P2RX7: variants seen among roughly 807,000 people sequenced by gnomAD.
P2RX7 encodes P2X purinoceptor 7.
Under a neutral mutation model 71.6 loss-of-function variants are expected in P2RX7, and 62 were observed. That is an observed-to-expected ratio of 0.87 (90% confidence interval 0.71 to 1.07). P2RX7 has a LOEUF of 1.07. P2RX7 is among the 50% of genes least tolerant of loss of function. P2RX7 has a pLI of 0.00. For synonymous variants in P2RX7, 299 were observed against 283.3 expected (o/e 1.06, Z -0.56); for missense variants, 686 against 748.5 (o/e 0.92, Z 0.97).
chr12:121,151,639 C>T (rs370576847), intron 1 of P2RX7, among the ~76,000 whole-genome samples: 163 of 152,196 alleles, frequency 1.1e-3, no homozygotes, highest in African/African-American at 3.7e-3. Flanking sequence ...ATTCACATAA[C>T]GTAAAATTAA....
intron 12 of P2RX7, among the ~76,000 whole-genome samples, chr12:121,183,155 C>G (rs965562414): frequency 6.9e-6 from 1 of 145,498 alleles, no homozygotes; most frequent in Admixed American, 6.9e-5. Context: ...CCAGCCTGGG[C>G]GACAGAGCAA....
chr12:121,155,495 A>C, intron 2 of P2RX7: 1 of 930,306 alleles, frequency 1.1e-6, no homozygotes, highest in Non-Finnish European at 1.5e-6. Context: ...ATTGCCAAAA[A>C]AGAGAAATTA....
chr12:121,167,390 TA>T, intron 7 of P2RX7, 97 bp from the exon 8 acceptor site: 1 of 1,451,886 alleles, frequency 6.9e-7, no homozygotes, highest in Non-Finnish European at 9.5e-7. Flanking sequence ...ATTTTTCCTC[TA>T]AAAACCTTAA....
intron 1 of P2RX7, among the ~76,000 whole-genome samples, chr12:121,147,105 T>C (rs1272794078): frequency 6.6e-6 from 1 of 152,214 alleles, no homozygotes; most frequent in Non-Finnish European, 1.5e-5. Context: ...GGGTTTTTTT[T>C]ACACCAGCAA....
chr12:121,182,273 T>C (rs1447950500), intron 12 of P2RX7, among the ~76,000 whole-genome samples: 1 of 152,202 alleles, frequency 6.6e-6, no homozygotes, highest in African/African-American at 2.4e-5. Context: ...CATCTCTTCT[T>C]GAGAAAGACT....
Position 121,177,422 on chromosome 12 carries a change from C to A in P2RX7, c.1164C>A (p.Cys388Ter), listed in dbSNP as rs1344890173. The change falls in exon 11 of 13, where the codon TGC (cysteine) becomes TGA (stop). Residue 388 changes from cysteine (C) to a stop codon, truncating the protein, a stop_gained. Coordinates refer to ENST00000328963, the MANE Select transcript of P2RX7 (RefSeq NM_002562.6). LOFTEE classifies it high-confidence loss of function. Reference protein sequence around the residue: ...VVNEYYYRKKCESIVEPKPTL... With the variant: ...VVNEYYYRKK ...ACGAATACTACTACAGGAAGAAGTGCGAGTCCATTGTGGAGCCAAAGCCGG... is the reference window on the plus strand; with the variant it reads ...ACGAATACTACTACAGGAAGAAGTGAGAGTCCATTGTGGAGCCAAAGCCGG... The A allele has an allele frequency of 1.9e-6, 3 of 1,613,286 alleles. No homozygotes were observed. The African/African-American group carries it at 4.0e-5, about 22-fold the overall frequency.
At chr12:121,166,623 G>A (rs185823592) in intron 7 of P2RX7, among the ~76,000 whole-genome samples, 1 of 152,154 alleles carries the variant, frequency 6.6e-6, no homozygotes, top group East Asian at 1.9e-4. Flanking sequence ...TGCCTCAGTG[G>A]CCACTTTCAC....
intron 1 of P2RX7, among the ~76,000 whole-genome samples, chr12:121,133,354 C>T (rs543212086): frequency 5.9e-5 from 9 of 152,312 alleles, no homozygotes; most frequent in African/African-American, 1.4e-4. Context: ...CAGGGCAGGG[C>T]GTGCCTGGGG....
intron 1 of P2RX7, among the ~76,000 whole-genome samples, chr12:121,145,141 G>A (rs1218110714): frequency 6.6e-6 from 1 of 152,212 alleles, no homozygotes; most frequent in African/African-American, 2.4e-5. Context: ...AAGCAAAAGG[G>A]CCTAGAACAC....
chr12:121,183,442 G>A (rs11065471), intron 12 of P2RX7, among the ~76,000 whole-genome samples: 58,114 of 149,926 alleles, frequency 0.39, 11,658 homozygotes, highest in African/African-American at 0.45. Flanking sequence ...GTGGTGGTGC[G>A]CGCCTGTAGT....
At chr12:121,160,222 A>G (rs1211464408) in intron 3 of P2RX7, among the ~76,000 whole-genome samples, 1 of 150,158 alleles carries the variant, frequency 6.7e-6, no homozygotes, top group Non-Finnish European at 1.5e-5. Context: ...ATCTCAGCTC[A>G]CTGCAACCTC....
chr12:121,135,773 C>T (rs1050032614), intron 1 of P2RX7, among the ~76,000 whole-genome samples: 19 of 151,230 alleles, frequency 1.3e-4, no homozygotes, highest in Admixed American at 1.1e-3. Context: ...GAGGCCAAGG[C>T]GGGCAGGTCA....
rs114363000 is a variant in P2RX7, at chr12:121,138,503, G to A, written c.125+5408G>A. 4.2e-3 allele frequency among the ~76,000 whole-genome samples: 639 copies of A among 152,330 alleles called. 7 individuals carry two copies. Among genetic ancestry groups the A allele is most frequent in the African/African-American group, 0.015 (621 of 41,586 alleles). ...CAGCCTGGGTCATGTGCTGGCTCCC[G>A]TAGCAGGAAGTAGGGAGAAGACGAG... On this transcript the variant is annotated intron_variant, in intron 1 of 12. Transcript: ENST00000328963.
intron 5 of P2RX7, among the ~76,000 whole-genome samples, chr12:121,163,270 T>C (rs187067007): frequency 8.6e-5 from 13 of 151,562 alleles, no homozygotes; most frequent in Admixed American, 7.9e-4. Context: ...GTTGTAAGGA[T>C]TAAATGAGAT....
At chr12:121,134,000 A>G (rs762444498) in intron 1 of P2RX7, among the ~76,000 whole-genome samples, 16 of 152,286 alleles carry the variant, frequency 1.1e-4, no homozygotes, top group Middle Eastern at 3.4e-3. Context: ...TCAGGATTAC[A>G]GGCGTGAGCC....
chr12:121,150,321 G>A (rs1877128020), intron 1 of P2RX7, among the ~76,000 whole-genome samples: 1 of 152,196 alleles, frequency 6.6e-6, no homozygotes, highest in Non-Finnish European at 1.5e-5. Flanking sequence ...TTCCATTAAG[G>A]CTGATCGATC....
Position 121,186,118 on chromosome 12 carries a change from C to T in P2RX7, c.*1316C>T, listed in dbSNP as rs2136185525. 1 of 152,510 alleles carries T rather than the reference C, an allele frequency of 6.6e-6. No individual in the cohort carries two copies. The highest frequency in any genetic ancestry group is 2.1e-4 in the South Asian group (1 of 4,824). 9.4% of individuals were successfully genotyped at this position (152,510 alleles called of 1,614,324 possible). A position where few individuals can be genotyped will look rare whatever the true frequency, so the allele number is the denominator to read the frequency against. Reference sequence around the variant, plus strand: ...GAGACTGCCCTGCTGTGAGGAAGCCCAAGCAGTCACGTGGACAGTGCCTGA... The same window carrying T: ...GAGACTGCCCTGCTGTGAGGAAGCCTAAGCAGTCACGTGGACAGTGCCTGA... On this transcript the variant is annotated 3_prime_UTR_variant, in exon 13 of 13. Coordinates refer to ENST00000328963, the MANE Select transcript of P2RX7 (RefSeq NM_002562.6).
chr12:121,165,932 C>T, intron 6 of P2RX7, 126 bp from the exon 7 acceptor site: 4 of 980,358 alleles, frequency 4.1e-6, no homozygotes, highest in Non-Finnish European at 6.1e-6. Flanking sequence ...CCAGGGGTCC[C>T]AGGAGGCAGT....
intron 8 of P2RX7, among the ~76,000 whole-genome samples, chr12:121,171,090 T>G (rs1050377333): frequency 6.6e-6 from 1 of 152,150 alleles, no homozygotes; most frequent in African/African-American, 2.4e-5. Context: ...GTGTCTGTGT[T>G]AATTTCCTGT....
Sources: allele counts gnomAD v4.1 joint callset (sites outside exome capture counted in the v4.1 genomes callset), GRCh38; gene constraint gnomAD v4.1.1; transcripts MANE v1.5; gene names NCBI Gene and HGNC (gene_info 2026-07-23, HGNC 2026-07-21).